The following BIRC6 variants were observed in gnomAD, a reference collection of about 807,000 sequenced individuals.
BIRC6 encodes the protein baculoviral IAP repeat containing 6, also known as dual E2 ubiquitin-conjugating enzyme/E3 ubiquitin-protein ligase BIRC6.
BIRC6 carries 98 observed loss-of-function variants against 503.3 expected under a neutral mutation model. The ratio of observed to expected loss-of-function variants is 0.19; its 90% confidence interval spans 0.17 to 0.23. The LOEUF (loss-of-function observed/expected upper bound fraction) is 0.23, where lower values mean the gene tolerates loss of function less well. Ranked by LOEUF, BIRC6 falls within the 10% of genes least tolerant of loss-of-function variation. The pLI, the probability that BIRC6 is intolerant of heterozygous loss-of-function variation, is 1.00. For synonymous variants in BIRC6, 2,240 were observed against 2,078.7 expected (o/e 1.08, Z -2.11); for missense variants, 5,360 against 5,806.0 (o/e 0.92, Z 2.50).
At chr2:32,397,568 T>C (rs1433300659) in intron 6 of BIRC6, among the ~76,000 whole-genome samples, 1 of 139,020 alleles carries the variant, frequency 7.2e-6, no homozygotes, top group Non-Finnish European at 1.5e-5. Flanking sequence ...TCTTTCCCCG[T>C]AAAGGCTGTG....
chr2:32,579,801 A>T (rs142299729), intron 66 of BIRC6, among the ~76,000 whole-genome samples: 1,606 of 152,296 alleles, frequency 0.011, 17 homozygotes, highest in Middle Eastern at 0.027. Context: ...ATTCATGATT[A>T]ACACTGATAG....
At chr2:32,369,941 A>AT (rs1178622449) in intron 1 of BIRC6, among the ~76,000 whole-genome samples, 1 of 46,034 alleles carries the variant, frequency 2.2e-5, no homozygotes, top group African/African-American at 1.4e-4. Flanking sequence ...AAAAAAAAAA[A>AT]AAAAATATAT....
intron 65 of BIRC6, among the ~76,000 whole-genome samples, chr2:32,566,741 C>G (rs2059558607): frequency 1.3e-5 from 2 of 152,044 alleles, no homozygotes; most frequent in Non-Finnish European, 2.9e-5. Flanking sequence ...TCATCTCTGT[C>G]CTGCAGCATA....
chr2:32,464,870 C>T (rs2048357625), intron 25 of BIRC6, 47 bp downstream of exon 25: 1 of 1,539,502 alleles, frequency 6.5e-7, no homozygotes. Flanking sequence ...TTAAAAATAT[C>T]TTGAAATATA....
chr2:32,399,775 T>C (rs2040396665), intron 6 of BIRC6, among the ~76,000 whole-genome samples: 1 of 151,896 alleles, frequency 6.6e-6, no homozygotes, highest in Non-Finnish European at 1.5e-5. Context: ...TTTTATATTT[T>C]AATTTAAATT....
chr2:32,535,583 G>A (rs1342753477), intron 61 of BIRC6, among the ~76,000 whole-genome samples: 3 of 152,148 alleles, frequency 2.0e-5, no homozygotes, highest in Non-Finnish European at 4.4e-5. Flanking sequence ...GCGATAGTTT[G>A]CTGAGAAAGA....
Position 32,518,850 on chromosome 2 carries a change from G to A in BIRC6, c.11527G>A (p.Val3843Ile), listed in dbSNP as rs764423874. The change falls in exon 57 of 74, where the codon GTC (valine) becomes ATC (isoleucine). Residue 3843 changes from valine to isoleucine, a missense_variant. Physicochemically the swap from Val to Ile is conservative, Grantham distance 29. This residue lies in a region of BIRC6 where 878 missense variants were observed against 928.9 expected (regional missense o/e 0.95). Transcript: ENST00000421745. Reference protein sequence around the residue: ...YKGRINATSHVIQHPMYGAGH... With the variant: ...YKGRINATSHIIQHPMYGAGH... The stretch of plus-strand genomic sequence containing the variant: ...AGGTAGAATTAATGCTACTAGCCAC[G>A]TCATCCAGCATCCAATGTATGGAGC... 17 of 1,613,352 alleles carry A rather than the reference G, an allele frequency of 1.1e-5. No homozygotes were observed. The highest frequency in any genetic ancestry group is 6.6e-5 in the South Asian group (6 of 91,070).
chr2:32,616,100 C>T (rs2063217277), intron 73 of BIRC6, among the ~76,000 whole-genome samples: 1 of 152,290 alleles, frequency 6.6e-6, no homozygotes, highest in Admixed American at 6.5e-5. Context: ...TATTTAATCT[C>T]TATAGATCTT....
chr2:32,509,034 A>C (rs375411352), intron 51 of BIRC6, among the ~76,000 whole-genome samples: 1 of 144,514 alleles, frequency 6.9e-6, no homozygotes, highest in African/African-American at 2.6e-5. Context: ...CCACCACTGC[A>C]CTCCAGCCTG....
At chr2:32,553,541 C>T (rs1429268276) in intron 65 of BIRC6, among the ~76,000 whole-genome samples, 2 of 151,900 alleles carry the variant, frequency 1.3e-5, no homozygotes, top group South Asian at 2.1e-4. Flanking sequence ...GCACCCGCCA[C>T]CCACCCTGCT....
At chr2:32,383,678 C>T (rs1184481253) in intron 3 of BIRC6, among the ~76,000 whole-genome samples, 2 of 152,072 alleles carry the variant, frequency 1.3e-5, no homozygotes, top group African/African-American at 2.4e-5. Context: ...ACTATAGGCA[C>T]GGGCCACCAC....
chr2:32,604,060 C>T (rs1030920505), intron 71 of BIRC6, among the ~76,000 whole-genome samples: 8 of 151,926 alleles, frequency 5.3e-5, no homozygotes, highest in Non-Finnish European at 1.2e-4. Flanking sequence ...TGCTTTTTTG[C>T]ATGCCTCTAA....
At chr2:32,361,780 T>A (rs2149094120) in intron 1 of BIRC6, among the ~76,000 whole-genome samples, 1 of 152,332 alleles carries the variant, frequency 6.6e-6, no homozygotes, top group South Asian at 2.1e-4. Flanking sequence ...ATGTCATAGT[T>A]GTATTTATAC....
chr2:32,585,680 G>A (rs2060978383), intron 66 of BIRC6, among the ~76,000 whole-genome samples: 1 of 151,954 alleles, frequency 6.6e-6, no homozygotes, highest in South Asian at 2.1e-4. Context: ...GTGCCCAGCC[G>A]ATTAGTACAG....
intron 6 of BIRC6, among the ~76,000 whole-genome samples, chr2:32,398,505 AT>A (rs2040230426): frequency 6.6e-6 from 1 of 152,204 alleles, no homozygotes; most frequent in African/African-American, 2.4e-5. Context: ...AGTGACACCA[AT>A]TGTTTAACAA....
chr2:32,467,061 G>A lies in BIRC6; in HGVS notation c.5357-464G>A, dbSNP rs558104689. 3.3e-5 allele frequency among the ~76,000 whole-genome samples: 5 copies of A among 151,316 alleles called. No individual in the cohort carries two copies. In the East Asian group the frequency reaches 7.8e-4, roughly 24 times the overall value. ...GTGAACCCAGGAGGCGGAGCTTGCA[G>A]TGAGCAGAGATCGCGCCACTGCACT... On this transcript the variant is annotated intron_variant, in intron 26 of 73. Coordinates refer to ENST00000421745, the MANE Select transcript of BIRC6 (RefSeq NM_016252.4).
At chr2:32,427,857 G>A (rs543289429) in intron 10 of BIRC6, among the ~76,000 whole-genome samples, 3 of 152,056 alleles carry the variant, frequency 2.0e-5, no homozygotes, top group South Asian at 2.1e-4. Context: ...ATCTGGATTC[G>A]TATCTCCCTA....
chr2:32,594,359 A>C (rs2061552747), intron 67 of BIRC6: 1 of 235,468 alleles, frequency 4.2e-6, no homozygotes, highest in Admixed American at 5.4e-5. Flanking sequence ...TATTAGATAG[A>C]AAATAGTACA....
chr2:32,415,834 A>G lies in BIRC6; in HGVS notation c.2543A>G (p.His848Arg), dbSNP rs200828084. 4 of 1,613,898 alleles carry G rather than the reference A, an allele frequency of 2.5e-6. No homozygotes were observed. Among genetic ancestry groups the G allele is most frequent in the Non-Finnish European group, 3.4e-6 (4 of 1,179,894 alleles). The change falls in exon 10 of 74, where the codon CAT becomes CGT. Residue 848 changes from histidine (H) to arginine (R), a missense_variant. Around this residue, in one of 16 missense-constraint regions of BIRC6, gnomAD observed 700 missense variants for 739.3 expected, o/e 0.95. Coordinates refer to ENST00000421745, the MANE Select transcript of BIRC6 (RefSeq NM_016252.4). ...TLEEEPIKIQ[H>R]IKDPQDTITS... ...GAAGAGGAGCCAATAAAAATACAAC[A>G]TATCAAAGATCCCCAGGACACAATT...
Sources: gnomAD v4.1 joint callset for allele counts (sites outside exome capture counted in the v4.1 genomes callset) on GRCh38, gnomAD v4.1.1 for gene constraint, gnomAD v4.1.1 regional missense constraint, MANE v1.5 for transcripts, NCBI Gene and HGNC (gene_info 2026-07-23, HGNC 2026-07-21) for gene names.